The following CNN3 variants were observed in gnomAD, a reference collection of about 807,000 sequenced individuals.
CNN3 encodes the protein calponin-3.
Under a neutral mutation model 39.0 loss-of-function variants are expected in CNN3, and 11 were observed. That is an observed-to-expected ratio of 0.28 (90% confidence interval 0.18 to 0.47). The LOEUF is 0.47. Among genes scored for constraint, CNN3 ranks in the 20% least tolerant of loss-of-function variants. The pLI is 0.99. For missense variants in CNN3, 266 were observed against 403.4 expected (o/e 0.66, Z 2.92); for synonymous variants, 101 against 138.3 (o/e 0.73, Z 1.89).
At chr1:94,919,146 G>T (rs1028966676) in intron 1 of CNN3, among the ~76,000 whole-genome samples, 6 of 152,124 alleles carry the variant, frequency 3.9e-5, no homozygotes, top group Non-Finnish European at 8.8e-5. Flanking sequence ...GGAGAGGTAG[G>T]GATGGGGTTT....
intron 1 of CNN3, among the ~76,000 whole-genome samples, chr1:94,916,517 A>G (rs1050832470): frequency 6.6e-6 from 1 of 152,172 alleles, no homozygotes; most frequent in African/African-American, 2.4e-5. Context: ...GCCTCTCTGT[A>G]GCACCTAGTA....
intron 5 of CNN3, among the ~76,000 whole-genome samples, chr1:94,901,223 T>G (rs1172390526): frequency 6.6e-6 from 1 of 151,852 alleles, no homozygotes; most frequent in Non-Finnish European, 1.5e-5. Context: ...GCATGGTGGC[T>G]CATTCCCATA....
At chr1:94,908,979 T>TA (rs58396959) in intron 1 of CNN3, among the ~76,000 whole-genome samples, 22,851 of 134,300 alleles carry the variant, frequency 0.17, 2,044 homozygotes, top group East Asian at 0.2. Flanking sequence ...CCCGTCTCTT[T>TA]AAAAAAAAAA....
At position 94,926,604 on chromosome 1, in the gene CNN3, C is replaced by A. The variant is rs1346869244; in HGVS notation, c.57+234G>T. ...CAGGCGCCCGGGAACCCACCGCCAG[C>A]CACTAGTCCTGTCCCACGGCGCGGG... On this transcript the variant is annotated intron_variant, in intron 1 of 6. Coordinates refer to ENST00000370206, the MANE Select transcript of CNN3 (RefSeq NM_001839.5). The surrounding 1 kb of genome is among the most constrained non-coding windows in gnomAD (Gnocchi z 4.2). 6.6e-6 allele frequency among the ~76,000 whole-genome samples: 1 copy of A among 152,116 alleles called. No homozygotes were observed. The highest frequency in any genetic ancestry group is 1.5e-5 in the Non-Finnish European group (1 of 67,998).
rs749524082 is a variant in CNN3, at chr1:94,901,661, T to C, written c.501+8A>G. 4 of 1,588,530 alleles carry C rather than the reference T, an allele frequency of 2.5e-6. No individual in the cohort carries two copies. In the Admixed American group the frequency reaches 6.7e-5, roughly 27 times the overall value. ...AAGTAATTGAATAAGCAACACCACA[T>C]TACTTACCTGCAGACCAATTACACT... On this transcript the variant is annotated splice_region_variant and intron_variant, in intron 5 of 6. Coordinates refer to ENST00000370206, the MANE Select transcript of CNN3 (RefSeq NM_001839.5).
In CNN3 at chr1:94,904,745, T is replaced by C. The variant is rs184760029; in HGVS notation, c.58-1221A>G. On this transcript the variant is annotated intron_variant, in intron 1 of 6. Transcript: ENST00000370206. The stretch of plus-strand genomic sequence containing the variant: ...CTGGGCAGCAGAGTGAGACCCTGTC[T>C]CCCGCCCCACTGCCAAAAAAAAACC... 6.3e-3 allele frequency among the ~76,000 whole-genome samples: 895 copies of C among 141,856 alleles called. 15 individuals carry two copies. The highest frequency in any genetic ancestry group is 0.023 in the African/African-American group (835 of 35,944). The allele number at this position is 141,856 out of a possible 152,430, so 93.1% of individuals were successfully genotyped here.
intron 1 of CNN3, 150 bp from the exon 2 acceptor site, chr1:94,903,674 C>T (rs1409178290): frequency 6.7e-6 from 7 of 1,050,344 alleles, no homozygotes; most frequent in Admixed American, 2.9e-5. Flanking sequence ...CAAACTTAAC[C>T]GTTACAACTT....
At chr1:94,908,495 CCTCA>C (rs1469567484) in intron 1 of CNN3, among the ~76,000 whole-genome samples, 1 of 152,160 alleles carries the variant, frequency 6.6e-6, no homozygotes, top group African/African-American at 2.4e-5. Context: ...TTTCTTTAGC[CCTCA>C]CTTTCTTTTG....
At chr1:94,918,413 G>A (rs1356043817) in intron 1 of CNN3, among the ~76,000 whole-genome samples, 20 of 146,828 alleles carry the variant, frequency 1.4e-4, no homozygotes, top group Middle Eastern at 3.6e-3. Context: ...AGAATCACTC[G>A]AACCCGAGAG....
chr1:94,907,739 A>G (rs1044373864), intron 1 of CNN3, among the ~76,000 whole-genome samples: 8 of 152,210 alleles, frequency 5.3e-5, no homozygotes, highest in Non-Finnish European at 8.8e-5. Flanking sequence ...GGGCGCCTGT[A>G]GTCCCAGCTA....
chr1:94,908,910 T>TGAGGCA (rs1192232185), intron 1 of CNN3, among the ~76,000 whole-genome samples: 1 of 150,038 alleles, frequency 6.7e-6, no homozygotes, highest in Non-Finnish European at 1.5e-5. Context: ...TTTGGGAGGC[T>TGAGGCA]GAGGCAGGAG....
chr1:94,913,560 G>T (rs917307703), intron 1 of CNN3, among the ~76,000 whole-genome samples: 5 of 152,220 alleles, frequency 3.3e-5, no homozygotes, highest in African/African-American at 1.2e-4. Context: ...AATTCTGAGT[G>T]ATGCATTCTG....
chr1:94,923,967 C>A (rs894639055), intron 1 of CNN3, among the ~76,000 whole-genome samples: 2 of 152,016 alleles, frequency 1.3e-5, no homozygotes, highest in African/African-American at 4.8e-5. Context: ...AGTGGCAGAA[C>A]GGGGACTAGA....
chr1:94,903,018 T>TA (rs372027375), intron 3 of CNN3, 104 bp downstream of exon 3: 49,038 of 606,098 alleles, frequency 0.081, 10 homozygotes, highest in East Asian at 0.099. Context: ...ATCAAAAAGT[T>TA]AAAAAAAAAA....
chr1:94,911,735 C>T (rs1433623572), intron 1 of CNN3, among the ~76,000 whole-genome samples: 1 of 152,036 alleles, frequency 6.6e-6, no homozygotes, highest in East Asian at 1.9e-4. Context: ...TGCTACTACA[C>T]TCCAGCCTGA....
intron 1 of CNN3, among the ~76,000 whole-genome samples, chr1:94,920,460 T>C (rs1046202653): frequency 6.6e-6 from 1 of 152,224 alleles, no homozygotes; most frequent in African/African-American, 2.4e-5. Flanking sequence ...CTGAGCCTAA[T>C]TAGCAGAGAA....
chr1:94,921,396 A>T (rs1671439576), intron 1 of CNN3, among the ~76,000 whole-genome samples: 1 of 152,176 alleles, frequency 6.6e-6, no homozygotes, highest in Non-Finnish European at 1.5e-5. Flanking sequence ...CTCCATCTCA[A>T]AAAAATAAAA....
chr1:94,915,952 A>G (rs859043), intron 1 of CNN3, among the ~76,000 whole-genome samples: 92,942 of 151,854 alleles, frequency 0.61, 29,056 homozygotes, highest in Non-Finnish European at 0.67. Context: ...TTCTCTTCCC[A>G]CTGACCCTCC....
At chr1:94,916,100 C>A (rs1671272788) in intron 1 of CNN3, among the ~76,000 whole-genome samples, 1 of 152,140 alleles carries the variant, frequency 6.6e-6, no homozygotes, top group Non-Finnish European at 1.5e-5. Context: ...CATACACTGT[C>A]CTGTTTGTCA....
Sources: gnomAD v4.1 joint callset for allele counts (sites outside exome capture counted in the v4.1 genomes callset) on GRCh38, gnomAD v4.1.1 for gene constraint, Gnocchi (gnomAD v3.1) non-coding constraint, MANE v1.5 for transcripts, NCBI Gene and HGNC (gene_info 2026-07-23, HGNC 2026-07-21) for gene names.